CXCL13: variants seen among roughly 807,000 people sequenced by gnomAD.
The protein encoded by CXCL13 is C-X-C motif chemokine ligand 13, also known as C-X-C motif chemokine 13.
In CXCL13, 7 loss-of-function variants were observed where a neutral mutation model predicts 12.2. The ratio of observed to expected loss-of-function variants is 0.57; its 90% CI spans 0.33 to 1.07. The LOEUF is 1.07. Ranked by LOEUF, CXCL13 falls within the 50% of genes least tolerant of loss-of-function variation. CXCL13 has a pLI of 0.04. For missense variants in CXCL13, 113 were observed against 127.4 expected, an observed-to-expected ratio of 0.89 and a Z score of 0.55; for synonymous variants, 47 against 42.4, an observed-to-expected ratio of 1.11 and a Z score of -0.42.
intron 1 of CXCL13, among the ~76,000 whole-genome samples, chr4:77,532,134 C>T (rs1271780742): frequency 1.3e-5 from 2 of 152,152 alleles, no homozygotes; most frequent in East Asian, 3.9e-4. Flanking sequence ...GCAGTTTCTT[C>T]CTAGCCTCAA....
rs1724984467 is a variant in CXCL13, at chr4:77,533,608, T to C, written c.-43+21820T>C. On this transcript the variant is annotated intron_variant, in intron 1 of 4. Transcript: ENST00000286758. ...CTGTAGAGGATTCTGCTGCCTTTTG[T>C]TTGGCTGTGCCCTGCCCCCAGAGGT... is the stretch of plus-strand genomic sequence containing the variant. 2.0e-5 allele frequency among the ~76,000 whole-genome samples: 3 copies of C among 152,280 alleles called. No homozygotes were observed. The East Asian group carries it at 5.8e-4, about 29-fold the overall frequency.
chr4:77,551,244 G>T (rs1488469696), intron 1 of CXCL13, among the ~76,000 whole-genome samples: 1 of 152,152 alleles, frequency 6.6e-6, no homozygotes, highest in Non-Finnish European at 1.5e-5. Context: ...AGTGTGTTTT[G>T]TGGCAGCAGG....
intron 1 of CXCL13, among the ~76,000 whole-genome samples, chr4:77,542,015 C>G (rs965689065): frequency 6.6e-6 from 1 of 151,962 alleles, no homozygotes; most frequent in Non-Finnish European, 1.5e-5. Flanking sequence ...AGCTTGAATA[C>G]TATTTGTGTA....
chr4:77,535,936 A>T (rs1725048338), intron 1 of CXCL13, among the ~76,000 whole-genome samples: 1 of 152,210 alleles, frequency 6.6e-6, no homozygotes, highest in Admixed American at 6.5e-5. Context: ...TGTGGAATTG[A>T]TCATAATAAA....
intron 1 of CXCL13, among the ~76,000 whole-genome samples, chr4:77,561,770 C>T (rs746460182): frequency 3.9e-5 from 6 of 152,322 alleles, no homozygotes; most frequent in East Asian, 1.9e-4. Context: ...TCCTTGGCCT[C>T]GGTGCACACT....
chr4:77,542,311 T>G (rs1209725994), intron 1 of CXCL13, among the ~76,000 whole-genome samples: 1 of 152,004 alleles, frequency 6.6e-6, no homozygotes, highest in Non-Finnish European at 1.5e-5. Context: ...ATGCTTCCAG[T>G]TTTTGCTTTT....
chr4:77,522,826 A>G (rs901102678), intron 1 of CXCL13, among the ~76,000 whole-genome samples: 6 of 151,984 alleles, frequency 3.9e-5, no homozygotes, highest in Non-Finnish European at 7.4e-5. Flanking sequence ...ACTATTTGGC[A>G]TGATTTGCAG....
rs555397455 is a variant in CXCL13 at position 77,600,520 on chromosome 4, G to A, written c.-42-5304G>A. On this transcript the variant is annotated intron_variant, in intron 1 of 4. Transcript: ENST00000286758. ...ATGCCGAATGAGAAAAGTAGATGAT[G>A]ACTTATTATCTACATGACATATGAT... Among the ~76,000 whole-genome samples the A allele has an allele frequency of 4.6e-5, 7 of 152,222 alleles. No individual in the cohort carries two copies. The East Asian group carries it at 1.2e-3, about 25-fold the overall frequency.
chr4:77,515,915 G>T (rs571315563), intron 1 of CXCL13, among the ~76,000 whole-genome samples: 2 of 152,142 alleles, frequency 1.3e-5, no homozygotes, highest in Admixed American at 6.6e-5. Context: ...TCCAGTTTTT[G>T]CACATTCAGT....
At chr4:77,546,694 C>CTG (rs1553915531) in intron 1 of CXCL13, among the ~76,000 whole-genome samples, 1 of 152,154 alleles carries the variant, frequency 6.6e-6, no homozygotes, top group African/African-American at 2.4e-5. Flanking sequence ...AAACCAGCTC[C>CTG]TGGATTCATT....
chr4:77,583,616 C>T (rs1209580453), intron 1 of CXCL13, among the ~76,000 whole-genome samples: 1 of 152,152 alleles, frequency 6.6e-6, no homozygotes, highest in African/African-American at 2.4e-5. Context: ...TTCTCCTTTC[C>T]CTTGATCCCA....
At chr4:77,514,965 T>C (rs934857066) in intron 1 of CXCL13, among the ~76,000 whole-genome samples, 2 of 152,170 alleles carry the variant, frequency 1.3e-5, no homozygotes, top group African/African-American at 4.8e-5. Flanking sequence ...CTTTAATCCA[T>C]CTTGAATTGA....
intron 1 of CXCL13, among the ~76,000 whole-genome samples, chr4:77,580,035 CCAG>C (rs1164496761): frequency 6.6e-6 from 1 of 152,080 alleles, no homozygotes; most frequent in Non-Finnish European, 1.5e-5. Flanking sequence ...ACTGTACAAA[CCAG>C]CTGACTATCA....
chr4:77,568,568 T>C (rs564623537), intron 1 of CXCL13, among the ~76,000 whole-genome samples: 1 of 152,320 alleles, frequency 6.6e-6, no homozygotes, highest in Non-Finnish European at 1.5e-5. Flanking sequence ...CCCCATTCTA[T>C]TGACCCTAGG....
At chr4:77,553,739 G>T (rs1267205681) in intron 1 of CXCL13, among the ~76,000 whole-genome samples, 2 of 152,186 alleles carry the variant, frequency 1.3e-5, no homozygotes, top group African/African-American at 2.4e-5. Flanking sequence ...TCAAAGAGTT[G>T]ATCTTTGTGT....
At chr4:77,567,442 T>A (rs1353296769) in intron 1 of CXCL13, among the ~76,000 whole-genome samples, 2 of 152,200 alleles carry the variant, frequency 1.3e-5, no homozygotes, top group Non-Finnish European at 2.9e-5. Context: ...AAATACTTAC[T>A]GGCATTGTTC....
chr4:77,590,840 G>A (rs934693933), intron 1 of CXCL13, among the ~76,000 whole-genome samples: 3 of 152,176 alleles, frequency 2.0e-5, no homozygotes, highest in Non-Finnish European at 2.9e-5. Context: ...TTTATGCCAT[G>A]CAAAGTTTAT....
At chr4:77,523,579 C>A (rs1057489823) in intron 1 of CXCL13, among the ~76,000 whole-genome samples, 2 of 152,180 alleles carry the variant, frequency 1.3e-5, no homozygotes, top group African/African-American at 4.8e-5. Flanking sequence ...TTAATGTCTT[C>A]TCTACACTGT....
chr4:77,558,349 T>C (rs1725714349), intron 1 of CXCL13, among the ~76,000 whole-genome samples: 1 of 151,632 alleles, frequency 6.6e-6, no homozygotes, highest in African/African-American at 2.4e-5. Context: ...TAGGGAGGAG[T>C]GAACTACTTC....
Sources: gnomAD v4.1 joint callset for allele counts (sites outside exome capture counted in the v4.1 genomes callset) on GRCh38, gnomAD v4.1.1 for gene constraint, MANE v1.5 for transcripts, NCBI Gene and HGNC (gene_info 2026-07-23, HGNC 2026-07-21) for gene names.